The following RDH5 variants were observed in gnomAD, a reference collection of about 807,000 sequenced individuals.
RDH5 encodes the protein 11-cis RDH.
RDH5 carries 25 observed loss-of-function variants against 24.0 expected under a neutral mutation model. The ratio of observed to expected loss-of-function variants is 1.04; its 90% CI spans 0.76 to 1.46. RDH5 has a LOEUF of 1.46. Among genes scored for constraint, RDH5 ranks in the 40% most tolerant of loss-of-function variants. The pLI is 0.00. For missense variants in RDH5, 369 were observed against 410.3 expected, an observed-to-expected ratio of 0.90 and a Z score of 0.87; for synonymous variants, 170 against 175.2, an observed-to-expected ratio of 0.97 and a Z score of 0.23.
In RDH5 at chr12:55,721,151, A is replaced by G. The variant is rs1876892541; in HGVS notation, c.-32-2A>G. Reference sequence around the variant, plus strand: ...CTGGACAAGTTTTTCTGCCCAGCCTAGGCTGCCACCTGTAGGTCACTTGGG... The same window carrying G: ...CTGGACAAGTTTTTCTGCCCAGCCTGGGCTGCCACCTGTAGGTCACTTGGG... On this transcript the variant is annotated splice_acceptor_variant, in intron 1 of 4. Coordinates refer to ENST00000257895, the MANE Select transcript of RDH5 (RefSeq NM_002905.5). LOFTEE classifies it low-confidence loss of function (5UTR_SPLICE). This position sits in a 1 kb window ranked among gnomAD's most constrained non-coding sequence, Gnocchi z 4.7. 1 of 1,609,660 alleles carries G rather than the reference A, an allele frequency of 6.2e-7. No homozygotes were observed. Among genetic ancestry groups the G allele is most frequent in the African/African-American group, 1.3e-5 (1 of 74,874 alleles).
intron 3 of RDH5, chr12:55,723,567 A>T: frequency 3.1e-6 from 1 of 327,502 alleles, no homozygotes; most frequent in Non-Finnish European, 5.8e-6. Context: ...TTATTTTTAA[A>T]TGGTTACATT....
chr12:55,721,481 C>T lies in RDH5; in HGVS notation c.297C>T (p.His99=), dbSNP rs142930741. 5.8e-5 allele frequency: 93 copies of T among 1,608,582 alleles called. No individual in the cohort carries two copies. The African/African-American group carries it at 7.3e-4, about 13-fold the overall frequency. The part of the protein sequence containing the change: ...VQQAAKWVEM[H]VKEAGLFGLV... ...AGGCAGCCAAGTGGGTGGAGATGCA[C>T]GTTAAGGAAGCAGGTAAGTATGGTA... The change falls in exon 2 of 5, where the codon CAC becomes CAT. Residue 99 remains histidine, a synonymous_variant. Coordinates refer to ENST00000257895, the MANE Select transcript of RDH5 (RefSeq NM_002905.5). The surrounding 1 kb of genome is among the most constrained non-coding windows in gnomAD (Gnocchi z 4.7).
chr12:55,724,473 C>G lies in RDH5; in HGVS notation c.885C>G (p.Ser295=), dbSNP rs1877107041. The change falls in exon 5 of 5, where the codon TCC becomes TCG. Residue 295 remains serine (S), a synonymous_variant. Coordinates refer to ENST00000257895, the MANE Select transcript of RDH5 (RefSeq NM_002905.5). ...CCAAGCTGCTCTGGCTGCCTGCCTC[C>G]TACCTGCCAGCCAGCCTGGTGGATG... is the stretch of plus-strand genomic sequence containing the variant. ...WDAKLLWLPA[S]YLPASLVDAV... is the part of the protein sequence containing the mutation. 3 of 1,613,930 alleles carry G rather than the reference C, an allele frequency of 1.9e-6. No homozygotes were observed. Among genetic ancestry groups the G allele is most frequent in the Admixed American group, 1.7e-5 (1 of 60,028 alleles).
At position 55,721,512 on chromosome 12, in the gene RDH5, C is replaced by G. The variant is rs201260215; in HGVS notation, c.310+18C>G. 1 of 1,602,654 alleles carries G rather than the reference C, an allele frequency of 6.2e-7. No homozygotes were observed. Among genetic ancestry groups the G allele is most frequent in the East Asian group, 2.2e-5 (1 of 44,880 alleles). On this transcript the variant is annotated intron_variant, in intron 2 of 4. Coordinates refer to ENST00000257895, the MANE Select transcript of RDH5 (RefSeq NM_002905.5). This position sits in a 1 kb window ranked among gnomAD's most constrained non-coding sequence, Gnocchi z 4.7. ...GGAAGCAGGTAAGTATGGTAGACCACCAGGAATATGGTGTGGGGTGTCCTG... is the reference window on the plus strand; with the variant it reads ...GGAAGCAGGTAAGTATGGTAGACCAGCAGGAATATGGTGTGGGGTGTCCTG...
chr12:55,723,788 TG>T, intron 3 of RDH5, 97 bp from the exon 4 acceptor site: 2 of 1,398,240 alleles, frequency 1.4e-6, no homozygotes, highest in Non-Finnish European at 2.0e-6. Flanking sequence ...CTCTTGTCCC[TG>T]GTCTGTGGTA....
rs770610213 is a variant in RDH5 at position 55,721,754 on chromosome 12, C to G, written c.376C>G (p.Arg126Gly). Residue 126 changes from arginine to glycine, a missense_variant, in exon 3 of 5, where the codon CGG becomes GGG. Transcript: ENST00000257895. The surrounding 1 kb of genome is among the most constrained non-coding windows in gnomAD (Gnocchi z 4.7). ...GIIGPTPWLT[R>G]DDFQRVLNVN... is the part of the protein sequence containing the mutation. ...CATCGGACCCACACCATGGCTGACC[C>G]GGGACGATTTCCAGCGGGTGCTGAA... 6.2e-7 allele frequency: 1 copy of G among 1,613,826 alleles called. No individual in the cohort carries two copies. Among genetic ancestry groups the G allele is most frequent in the South Asian group, 1.1e-5 (1 of 91,078 alleles).
At position 55,721,884 on chromosome 12, in the gene RDH5, C is replaced by T; in HGVS notation, c.506C>T (p.Ala169Val). The stretch of plus-strand genomic sequence containing the variant: ...ATCACCAGCGTCCTGGGTCGCCTGG[C>T]AGCCAATGGTGGGGGCTACTGTGTC... The part of the protein sequence containing the change: ...INITSVLGRL[A>V]ANGGGYCVSK... Residue 169 changes from alanine (A) to valine (V), a missense_variant, in exon 3 of 5, where the codon GCA (alanine) becomes GTA (valine). By Grantham distance (64) the Ala-to-Val change is moderately conservative. Coordinates refer to ENST00000257895, the MANE Select transcript of RDH5 (RefSeq NM_002905.5). The surrounding 1 kb of genome is among the most constrained non-coding windows in gnomAD (Gnocchi z 4.7). 3 of 1,613,834 alleles carry T rather than the reference C, an allele frequency of 1.9e-6. No individual in the cohort carries two copies. Among genetic ancestry groups the T allele is most frequent in the Non-Finnish European group, 8.5e-7 (1 of 1,179,878 alleles).
Position 55,721,718 on chromosome 12 carries a change from G to A in RDH5, c.340G>A (p.Val114Met), listed in dbSNP as rs141098197. 6.1e-5 allele frequency: 99 copies of A among 1,612,798 alleles called. No homozygotes were observed. The highest frequency in any genetic ancestry group is 8.4e-5 in the Non-Finnish European group (99 of 1,180,050). The change falls in exon 3 of 5, where the codon GTG becomes ATG. Residue 114 changes from valine (V) to methionine (M), a missense_variant. Physicochemically the swap from Val to Met is conservative, Grantham distance 21 (BLOSUM62 1). Transcript: ENST00000257895. This position sits in a 1 kb window ranked among gnomAD's most constrained non-coding sequence, Gnocchi z 4.7. ...GLFGLVNNAGVAGIIGPTPWL... is the reference protein window; with the variant it reads ...GLFGLVNNAGMAGIIGPTPWL... ...TTTTGGTCTGGTGAATAATGCTGGT[G>A]TGGCTGGTATCATCGGACCCACACC...
rs1876886280 is a variant in RDH5, at chr12:55,721,012, G to C, written c.-32-141G>C. 3.1e-6 allele frequency: 2 copies of C among 651,234 alleles called. No homozygotes were observed. The highest frequency in any genetic ancestry group is 2.3e-5 in the Admixed American group (1 of 43,872). The allele number at this position is 651,234 out of a possible 1,614,324, so 40.3% of individuals were successfully genotyped here. A position where few individuals can be genotyped will look rare whatever the true frequency, so the allele number is the denominator to read the frequency against. The stretch of plus-strand genomic sequence containing the variant: ...TCTGCCCACATCTTTGCTTTGAACA[G>C]ATGAGCCATGGTTGGCCAATTATCT... On this transcript the variant is annotated intron_variant, in intron 1 of 4. Coordinates refer to ENST00000257895, the MANE Select transcript of RDH5 (RefSeq NM_002905.5). The surrounding 1 kb of genome is among the most constrained non-coding windows in gnomAD (Gnocchi z 4.7).
rs1058635 is a variant in RDH5 at position 55,721,392 on chromosome 12, C to T, written c.208C>T (p.Arg70Trp). ...CCCCTCCGGGGCCGAGGACCTGCAG[C>T]GGGTGGCCTCCTCCCGCCTCCACAC... ...LTPSGAEDLQRVASSRLHTTL... is the reference protein window; with the variant it reads ...LTPSGAEDLQWVASSRLHTTL... The change falls in exon 2 of 5, where the codon CGG becomes TGG. Residue 70 changes from arginine (R) to tryptophan (W), a missense_variant. Arg to Trp is a moderately radical substitution (Grantham distance 101). Transcript: ENST00000257895. The surrounding 1 kb of genome is among the most constrained non-coding windows in gnomAD (Gnocchi z 4.7). 188 of 1,613,700 alleles carry T rather than the reference C, an allele frequency of 1.2e-4. No homozygotes were observed. Among genetic ancestry groups the T allele is most frequent in the Middle Eastern group, 1.6e-4 (1 of 6,080 alleles).
In RDH5 at chr12:55,721,903, C is replaced by T. The variant is rs139647623; in HGVS notation, c.525C>T (p.Tyr175=). Reference sequence around the variant, plus strand: ...GCCTGGCAGCCAATGGTGGGGGCTACTGTGTCTCCAAATTTGGCCTGGAGG... The same window carrying T: ...GCCTGGCAGCCAATGGTGGGGGCTATTGTGTCTCCAAATTTGGCCTGGAGG... The part of the protein sequence containing the change: ...LGRLAANGGG[Y]CVSKFGLEAF... Residue 175 remains tyrosine, a synonymous_variant, in exon 3 of 5, where the codon TAC becomes TAT. Coordinates refer to ENST00000257895, the MANE Select transcript of RDH5 (RefSeq NM_002905.5). The surrounding 1 kb of genome is among the most constrained non-coding windows in gnomAD (Gnocchi z 4.7). 281 of 1,613,646 alleles carry T rather than the reference C, an allele frequency of 1.7e-4. 2 individuals carry two copies. In the African/African-American group the frequency reaches 3.4e-3, roughly 19 times the overall value.
chr12:55,721,659 AC>A lies in RDH5; in HGVS notation c.311-25del, dbSNP rs1876926413. On this transcript the variant is annotated intron_variant, in intron 2 of 4. Transcript: ENST00000257895. This position sits in a 1 kb window ranked among gnomAD's most constrained non-coding sequence, Gnocchi z 4.7. ...AGGGAGCTGTGGGAGTGCCTCACCT[AC>A]CCCCAGCATCCTTTTCATCTCCCCA... 5 of 1,604,842 alleles carry A rather than the reference AC, an allele frequency of 3.1e-6. No homozygotes were observed. In the East Asian group the frequency reaches 8.9e-5, roughly 29 times the overall value.
intron 3 of RDH5, 127 bp from the exon 4 acceptor site, chr12:55,723,759 G>A (rs989121214): frequency 9.4e-7 from 1 of 1,064,114 alleles, no homozygotes; most frequent in Admixed American, 1.8e-5. Flanking sequence ...TCCCGGGGCA[G>A]TAGGCATCTC....
chr12:55,721,104 A>G lies in RDH5; in HGVS notation c.-32-49A>G. 7.8e-7 allele frequency: 1 copy of G among 1,288,350 alleles called. No individual in the cohort carries two copies. 79.8% of individuals were successfully genotyped at this position (1,288,350 alleles called of 1,614,324 possible). Reference sequence around the variant, plus strand: ...CCAGCTAGGGAGGGTATTAGGGGAAAGGGCTTGAGGGCCACAGTAAACTGG... The same window carrying G: ...CCAGCTAGGGAGGGTATTAGGGGAAGGGGCTTGAGGGCCACAGTAAACTGG... On this transcript the variant is annotated intron_variant, in intron 1 of 4. Transcript: ENST00000257895. The surrounding 1 kb of genome is among the most constrained non-coding windows in gnomAD (Gnocchi z 4.7).
rs760444489 is a variant in RDH5 at position 55,721,749 on chromosome 12, T to C, written c.371T>C (p.Leu124Pro). 96 of 1,613,704 alleles carry C rather than the reference T, an allele frequency of 5.9e-5. No individual in the cohort carries two copies. Among genetic ancestry groups the C allele is most frequent in the Non-Finnish European group, 7.4e-5 (87 of 1,180,032 alleles). ...GGTATCATCGGACCCACACCATGGC[T>C]GACCCGGGACGATTTCCAGCGGGTG... ...VAGIIGPTPW[L>P]TRDDFQRVLN... The change falls in exon 3 of 5, where the codon CTG becomes CCG. Residue 124 changes from leucine (L) to proline (P), a missense_variant. Physicochemically the swap from Leu to Pro is moderately conservative, Grantham distance 98. Coordinates refer to ENST00000257895, the MANE Select transcript of RDH5 (RefSeq NM_002905.5). The surrounding 1 kb of genome is among the most constrained non-coding windows in gnomAD (Gnocchi z 4.7).
Position 55,721,777 on chromosome 12 carries a change from G to A in RDH5, c.399G>A (p.Leu133=), listed in dbSNP as rs1458285598. ...WLTRDDFQRV[L]NVNTMGPIGV... is the part of the protein sequence containing the mutation. The stretch of plus-strand genomic sequence containing the variant: ...CCCGGGACGATTTCCAGCGGGTGCT[G>A]AATGTGAACACAATGGGTCCCATCG... Residue 133 remains leucine, a synonymous_variant, in exon 3 of 5, where the codon CTG becomes CTA. Coordinates refer to ENST00000257895, the MANE Select transcript of RDH5 (RefSeq NM_002905.5). The surrounding 1 kb of genome is among the most constrained non-coding windows in gnomAD (Gnocchi z 4.7). 1 of 1,614,056 alleles carries A rather than the reference G, an allele frequency of 6.2e-7. No homozygotes were observed. The highest frequency in any genetic ancestry group is 2.2e-5 in the East Asian group (1 of 44,874).
At chr12:55,720,980 T>TA (rs1011075070) in intron 1 of RDH5, among the ~76,000 whole-genome samples, 173 bp from the exon 2 acceptor site, 1 of 149,682 alleles carries the variant, frequency 6.7e-6, no homozygotes, top group East Asian at 2.0e-4. Context: ...TAGCCACAAA[T>TA]ACAGGGTCTG....
chr12:55,724,114 A>C, intron 4 of RDH5, 65 bp downstream of exon 4: 1 of 1,567,194 alleles, frequency 6.4e-7, no homozygotes, highest in East Asian at 2.3e-5. Flanking sequence ...CCAGTCCTGC[A>C]TAAGCCTGCT....
Position 55,721,765 on chromosome 12 carries a change from C to G in RDH5, c.387C>G (p.Phe129Leu), listed in dbSNP as rs1876933244. 1.9e-6 allele frequency: 3 copies of G among 1,613,818 alleles called. No homozygotes were observed. In the African/African-American group the frequency reaches 4.0e-5, roughly 22 times the overall value. ...CACCATGGCTGACCCGGGACGATTT[C>G]CAGCGGGTGCTGAATGTGAACACAA... The part of the protein sequence containing the change: ...GPTPWLTRDD[F>L]QRVLNVNTMG... The change falls in exon 3 of 5, where the codon TTC becomes TTG. Residue 129 changes from phenylalanine to leucine, a missense_variant. Phe to Leu is a conservative substitution (Grantham distance 22). Transcript: ENST00000257895. The surrounding 1 kb of genome is among the most constrained non-coding windows in gnomAD (Gnocchi z 4.7).
Sources: allele counts gnomAD v4.1 joint callset (sites outside exome capture counted in the v4.1 genomes callset), GRCh38; gene constraint gnomAD v4.1.1; non-coding constraint Gnocchi (gnomAD v3.1); transcripts MANE v1.5; gene names NCBI Gene and HGNC (gene_info 2026-07-23, HGNC 2026-07-21).